LOXL2: variants seen among roughly 807,000 people sequenced by gnomAD.
LOXL2 encodes the protein lysyl oxidase like 2.
LOXL2 carries 70 observed loss-of-function variants against 93.0 expected under a neutral mutation model. The observed-to-expected ratio is 0.75, with a 90% CI of 0.62 to 0.92. LOXL2 has a LOEUF of 0.92. Among genes scored for constraint, LOXL2 ranks in the 40% least tolerant of loss-of-function variants. LOXL2 has a pLI of 0.00. For synonymous variants in LOXL2, 438 were observed against 413.2 expected (o/e 1.06, Z -0.73); for missense variants, 973 against 1,054.9 (o/e 0.92, Z 1.08).
intron 1 of LOXL2, among the ~76,000 whole-genome samples, chr8:23,369,225 T>A (rs1055824559): frequency 5.9e-5 from 9 of 152,206 alleles, no homozygotes; most frequent in African/African-American, 1.9e-4. Context: ...CAATGCTAAA[T>A]GAGTTTTAAA....
Position 23,298,091 on chromosome 8 carries a change from C to CT in LOXL2, c.2276dup (p.Phe760ValfsTer2). 1 of 1,613,828 alleles carries CT rather than the reference C, an allele frequency of 6.2e-7. No homozygotes were observed. Among genetic ancestry groups the CT allele is most frequent in the Non-Finnish European group, 8.5e-7 (1 of 1,180,002 alleles). ...TTAAGAGCCCGCTGAAGTGCTCAAA[C>CT]TTTTTTTCCGTCTCTTCGCTGAAGG... On this transcript the variant is annotated frameshift_variant, in exon 14 of 14. Transcript: ENST00000389131. LOFTEE classifies it high-confidence loss of function.
chr8:23,298,432 A>T (rs1359258674), intron 13 of LOXL2, among the ~76,000 whole-genome samples: 1 of 152,234 alleles, frequency 6.6e-6, no homozygotes, highest in Non-Finnish European at 1.5e-5. Context: ...CTATCATCCA[A>T]GGAAAAAAGT....
chr8:23,330,968 T>G (rs1803666231), intron 5 of LOXL2, among the ~76,000 whole-genome samples: 1 of 152,114 alleles, frequency 6.6e-6, no homozygotes, highest in African/African-American at 2.4e-5. Context: ...AGGAAGTCAC[T>G]CCTGATAGTT....
At chr8:23,354,644 G>A (rs778016468) in intron 3 of LOXL2, among the ~76,000 whole-genome samples, 20 of 151,482 alleles carry the variant, frequency 1.3e-4, no homozygotes, top group African/African-American at 3.9e-4. Flanking sequence ...CACATGGTGC[G>A]CGATGTCAAT....
intron 10 of LOXL2, among the ~76,000 whole-genome samples, chr8:23,303,618 C>T (rs868353361): frequency 1.3e-5 from 2 of 152,162 alleles, no homozygotes; most frequent in Admixed American, 6.5e-5. Context: ...GCTAAGCCTC[C>T]GTCCTCTCCT....
intron 3 of LOXL2, among the ~76,000 whole-genome samples, chr8:23,345,844 G>A (rs57177573): frequency 0.027 from 4,083 of 152,080 alleles, 155 homozygotes; most frequent in African/African-American, 0.089. Flanking sequence ...CGAGGCAGGC[G>A]GATCACGAGG....
chr8:23,354,954 T>A (rs1482329892), intron 3 of LOXL2, among the ~76,000 whole-genome samples: 18,301 of 73,350 alleles, frequency 0.25, 2,559 homozygotes, highest in African/African-American at 0.42. Flanking sequence ...TATATATTTT[T>A]TTTTTTTTTT....
At position 23,297,865 on chromosome 8, in the gene LOXL2, CATGA is replaced by C. The variant is rs1803062658; in HGVS notation, c.*174_*177del. ...CCCCAAGGGTCAGGTAGCAGCCCCC[CATGA>C]ATGATGGGAGGGTCCCTTTCCTCCT... On this transcript the variant is annotated 3_prime_UTR_variant, in exon 14 of 14. Coordinates refer to ENST00000389131, the MANE Select transcript of LOXL2 (RefSeq NM_002318.3). 1 of 579,404 alleles carries C rather than the reference CATGA, an allele frequency of 1.7e-6. No homozygotes were observed. Among genetic ancestry groups the C allele is most frequent in the Admixed American group, 3.0e-5 (1 of 32,936 alleles). 35.9% of individuals were successfully genotyped at this position (579,404 alleles called of 1,614,324 possible). A position where few individuals can be genotyped will look rare whatever the true frequency, so the allele number is the denominator to read the frequency against.
chr8:23,379,686 G>T lies in LOXL2; in HGVS notation c.-83-11252C>A, dbSNP rs187187641. ...GCTGCCTCCTTGCAGTTCGATCTCAGACTGCTGTGCTAGCAATGAGTGAGG... is the reference window on the plus strand; with the variant it reads ...GCTGCCTCCTTGCAGTTCGATCTCATACTGCTGTGCTAGCAATGAGTGAGG... On this transcript the variant is annotated intron_variant, in intron 1 of 13. Coordinates refer to ENST00000389131, the MANE Select transcript of LOXL2 (RefSeq NM_002318.3). Among the ~76,000 whole-genome samples the T allele has an allele frequency of 7.4e-3, 1,124 of 152,266 alleles. 12 individuals carry two copies. Among genetic ancestry groups the T allele is most frequent in the African/African-American group, 0.026 (1,060 of 41,544 alleles).
At chr8:23,319,420 AGGCACAGATGCCAGC>A (rs1803457100) in intron 8 of LOXL2, among the ~76,000 whole-genome samples, 3 of 147,846 alleles carry the variant, frequency 2.0e-5, no homozygotes, top group South Asian at 4.2e-4. Context: ...AGAATGCATT[AGGCACAGATGCCAGC>A]GGGGAAACGT....
At chr8:23,375,421 C>T (rs1170590184) in intron 1 of LOXL2, among the ~76,000 whole-genome samples, 2 of 151,802 alleles carry the variant, frequency 1.3e-5, no homozygotes, top group African/African-American at 4.8e-5. Flanking sequence ...ATTGACTTGG[C>T]AATGCAGGCT....
At position 23,319,893 on chromosome 8, in the gene LOXL2, C is replaced by T. The variant is rs201288515; in HGVS notation, c.1462G>A (p.Ala488Thr). 481 of 1,613,410 alleles carry T rather than the reference C, an allele frequency of 3.0e-4. 2 individuals are homozygous for T. The highest frequency in any genetic ancestry group is 1.9e-4 in the Non-Finnish European group (224 of 1,179,870). Residue 488 changes from alanine (A) to threonine (T), a missense_variant, in exon 8 of 14, where the codon GCC becomes ACC. Physicochemically the swap from Ala to Thr is moderately conservative, Grantham distance 58. Coordinates refer to ENST00000389131, the MANE Select transcript of LOXL2 (RefSeq NM_002318.3). ...AGGCCGGGGCTTCTCACCTGGAAGG[C>T]GTTGCTGGCGAATCCCAGGCCCAGC... is the stretch of plus-strand genomic sequence containing the variant. ...RQLGLGFASN[A>T]FQETWYWHGD...
chr8:23,299,345 G>A (rs1443281470), intron 12 of LOXL2, among the ~76,000 whole-genome samples: 1 of 152,186 alleles, frequency 6.6e-6, no homozygotes, highest in Non-Finnish European at 1.5e-5. Context: ...CCTGGAAGAG[G>A]GCTGCCTGGG....
intron 10 of LOXL2, among the ~76,000 whole-genome samples, chr8:23,305,499 G>GCCCCCCCCCCCCCCCCCC (rs570548999): frequency 6.6e-6 from 1 of 151,346 alleles, no homozygotes; most frequent in Admixed American, 6.6e-5. Flanking sequence ...AGAGCCTAGA[G>GCCCCCCCCCCCCCCCCCC]CCCCCCCACA....
At chr8:23,303,439 C>T (rs1366060464) in intron 10 of LOXL2, 42 bp from the exon 11 acceptor site, 3 of 1,183,814 alleles carry the variant, frequency 2.5e-6, no homozygotes, top group Admixed American at 1.7e-5. Flanking sequence ...GTTTCTGGAG[C>T]AACTGCTGCT....
intron 3 of LOXL2, among the ~76,000 whole-genome samples, chr8:23,343,619 C>T (rs1483743307): frequency 1.3e-5 from 2 of 152,230 alleles, no homozygotes; most frequent in African/African-American, 4.8e-5. Flanking sequence ...ACAGCCAGGC[C>T]CTACTCTCAG....
chr8:23,372,456 G>C (rs1361501446), intron 1 of LOXL2, among the ~76,000 whole-genome samples: 1 of 152,088 alleles, frequency 6.6e-6, no homozygotes, highest in Admixed American at 6.6e-5. Context: ...GACCTCAAGT[G>C]ATCCATCCGC....
chr8:23,358,108 G>C (rs1322729340), intron 3 of LOXL2, among the ~76,000 whole-genome samples: 2 of 152,216 alleles, frequency 1.3e-5, no homozygotes, highest in Non-Finnish European at 2.9e-5. Flanking sequence ...GGAAAATTTT[G>C]TGAAACTGGG....
chr8:23,383,320 T>TGG (rs1404244774), intron 1 of LOXL2, among the ~76,000 whole-genome samples: 4 of 147,990 alleles, frequency 2.7e-5, no homozygotes, highest in Non-Finnish European at 4.6e-5. Context: ...AATTACCTTA[T>TGG]GGGTGTGTGT....
Sources: gnomAD v4.1 joint callset for allele counts (sites outside exome capture counted in the v4.1 genomes callset) on GRCh38, gnomAD v4.1.1 for gene constraint, MANE v1.5 for transcripts, NCBI Gene and HGNC (gene_info 2026-07-23, HGNC 2026-07-21) for gene names.